The following HHLA1 variants were observed in gnomAD, a reference collection of about 807,000 sequenced individuals.
The protein encoded by HHLA1 is HHLA1 neighbor of OC90.
Under a neutral mutation model 69.9 loss-of-function variants are expected in HHLA1, and 72 were observed. The ratio of observed to expected loss-of-function variants is 1.03; its 90% CI spans 0.85 to 1.25. HHLA1 has a LOEUF of 1.25. HHLA1 is among the 50% of genes most tolerant of loss of function. The pLI, the probability that HHLA1 is intolerant of heterozygous loss-of-function variation, is 0.00. For synonymous variants in HHLA1, 252 were observed against 233.2 expected, an observed-to-expected ratio of 1.08 and a Z score of -0.73; for missense variants, 685 against 642.2, an observed-to-expected ratio of 1.07 and a Z score of -0.72.
intron 15 of HHLA1, among the ~76,000 whole-genome samples, chr8:132,066,172 C>G (rs772835570): frequency 3.3e-5 from 5 of 152,130 alleles, no homozygotes; most frequent in Non-Finnish European, 5.9e-5. Flanking sequence ...TTGGGGCCAG[C>G]AAGACTTATT....
intron 15 of HHLA1, 94 bp from the exon 16 acceptor site, chr8:132,066,062 C>G: frequency 4.3e-6 from 2 of 468,930 alleles, no homozygotes; most frequent in South Asian, 3.5e-5. Context: ...TAAACATGAA[C>G]TATATGGCCA....
chr8:132,072,748 G>A (rs1197674601), intron 14 of HHLA1, among the ~76,000 whole-genome samples: 2 of 152,142 alleles, frequency 1.3e-5, no homozygotes, highest in Admixed American at 6.5e-5. Flanking sequence ...ACCATTAATT[G>A]ACTTTCTATT....
chr8:132,100,407 T>C (rs1264500749), intron 3 of HHLA1, among the ~76,000 whole-genome samples: 1 of 152,080 alleles, frequency 6.6e-6, no homozygotes, highest in Non-Finnish European at 1.5e-5. Context: ...TTTAACCAAG[T>C]AGGAAAACTG....
intron 15 of HHLA1, among the ~76,000 whole-genome samples, chr8:132,068,251 C>T (rs140178140): frequency 4.6e-5 from 7 of 152,318 alleles, no homozygotes; most frequent in African/African-American, 1.7e-4. Context: ...CAAAAAGCTG[C>T]CATTCTGTGC....
chr8:132,107,592 G>A (rs59816126), intron 1 of HHLA1, among the ~76,000 whole-genome samples: 28,097 of 152,072 alleles, frequency 0.18, 2,635 homozygotes, highest in East Asian at 0.22. Context: ...GAGCCACCGC[G>A]CTTGGCCGAC....
chr8:132,093,017 G>C (rs1662619684), intron 7 of HHLA1, among the ~76,000 whole-genome samples: 1 of 152,118 alleles, frequency 6.6e-6, no homozygotes, highest in South Asian at 2.1e-4. Context: ...TTTAAACTAG[G>C]CTATTTTGGA....
chr8:132,096,871 G>C (rs766064119), intron 5 of HHLA1, among the ~76,000 whole-genome samples: 1 of 152,126 alleles, frequency 6.6e-6, no homozygotes, highest in Non-Finnish European at 1.5e-5. Flanking sequence ...ATGCAATCGT[G>C]CAGTCACAGC....
intron 10 of HHLA1, 91 bp from the exon 11 acceptor site, chr8:132,080,057 G>T: frequency 6.9e-7 from 1 of 1,453,336 alleles, no homozygotes; most frequent in Non-Finnish European, 9.5e-7. Flanking sequence ...ATATATGAAT[G>T]TGGAGATTCA....
chr8:132,089,160 T>G (rs770334821), intron 8 of HHLA1, among the ~76,000 whole-genome samples: 38 of 152,214 alleles, frequency 2.5e-4, no homozygotes, highest in Admixed American at 2.4e-3. Context: ...ACCTGAATTC[T>G]GGCACCAAAC....
In HHLA1 at chr8:132,062,464, A is replaced by G. The variant is rs3802262; in HGVS notation, c.*1531T>C. 0.065 allele frequency: 9,849 copies of G among 152,190 alleles called. 374 individuals are homozygous for G. The highest frequency in any genetic ancestry group is 0.086 in the African/African-American group (3,571 of 41,514). The allele number at this position is 152,190 out of a possible 1,614,324, so 9.4% of individuals were successfully genotyped here. ...CTACTTAGATGATGAACAGAAAGTG[A>G]CTTTCCTCACCCAAGGGCAGCCCTA... On this transcript the variant is annotated 3_prime_UTR_variant, in exon 17 of 17. Transcript: ENST00000414222.
chr8:132,081,057 G>C (rs1823745034), intron 10 of HHLA1: 1 of 152,196 alleles, frequency 6.6e-6, no homozygotes, highest in Non-Finnish European at 1.5e-5. Context: ...AGGAGATTCA[G>C]CATAGTCCTG....
At position 132,101,385 on chromosome 8, in the gene HHLA1, A is replaced by AT. The variant is rs1824107862; in HGVS notation, c.140-1252_140-1251insA. ...AACACTTTGAAGAATGGATAAACTG[A>AT]AATCCCCAAACTTGATTTGATGTAC... On this transcript the variant is annotated intron_variant, in intron 3 of 16. Coordinates refer to ENST00000414222, the MANE Select transcript of HHLA1 (RefSeq NM_001145095.3). 6 of 1,377,146 alleles carry AT rather than the reference A, an allele frequency of 4.4e-6. 1 individual carries two copies. In the South Asian group the frequency reaches 9.6e-5, roughly 22 times the overall value. 85.3% of individuals were successfully genotyped at this position (1,377,146 alleles called of 1,614,324 possible). A position where few individuals can be genotyped will look rare whatever the true frequency, so the allele number is the denominator to read the frequency against.
intron 15 of HHLA1, among the ~76,000 whole-genome samples, chr8:132,069,316 T>C (rs1019595221): frequency 1.3e-5 from 2 of 152,252 alleles, no homozygotes; most frequent in Non-Finnish European, 2.9e-5. Context: ...TCAGCTGCTT[T>C]GAAATTTGTC....
At chr8:132,095,662 C>T (rs756250677) in intron 6 of HHLA1, 41 bp downstream of exon 6, 1 of 1,532,170 alleles carries the variant, frequency 6.5e-7, no homozygotes, top group Non-Finnish European at 8.9e-7. Context: ...GCAACACATC[C>T]CTACCACCAC....
In HHLA1 at chr8:132,068,690, C is replaced by T. The variant is rs117032192; in HGVS notation, c.1469+2650G>A. ...TATGTCTATCTAAATTCCTAGCAGACCAGAGCTGCTGCACGCACTGTGGAG... is the reference window on the plus strand; with the variant it reads ...TATGTCTATCTAAATTCCTAGCAGATCAGAGCTGCTGCACGCACTGTGGAG... On this transcript the variant is annotated intron_variant, in intron 15 of 16. Coordinates refer to ENST00000414222, the MANE Select transcript of HHLA1 (RefSeq NM_001145095.3). Among the ~76,000 whole-genome samples, 732 of 152,312 alleles carry T rather than the reference C, an allele frequency of 4.8e-3. 3 individuals are homozygous for T. Among genetic ancestry groups the T allele is most frequent in the East Asian group, 0.03 (154 of 5,176 alleles).
intron 3 of HHLA1, among the ~76,000 whole-genome samples, chr8:132,103,662 A>G (rs1824154040): frequency 1.3e-5 from 2 of 152,124 alleles, no homozygotes; most frequent in East Asian, 1.9e-4. Flanking sequence ...AAGTAACACA[A>G]TTTCCATCAA....
chr8:132,099,621 A>G (rs1824082075), intron 4 of HHLA1, among the ~76,000 whole-genome samples: 1 of 152,180 alleles, frequency 6.6e-6, no homozygotes, highest in South Asian at 2.1e-4. Context: ...TGGGAGGCTG[A>G]GGTGGGTGGA....
At chr8:132,106,213 A>G (rs1169815476) in intron 1 of HHLA1, among the ~76,000 whole-genome samples, 2 of 152,204 alleles carry the variant, frequency 1.3e-5, no homozygotes, top group Non-Finnish European at 2.9e-5. Context: ...ATTGGGCGGG[A>G]AGAAAAGTCA....
At chr8:132,072,919 A>T (rs1428869742) in intron 14 of HHLA1, among the ~76,000 whole-genome samples, 2 of 151,644 alleles carry the variant, frequency 1.3e-5, no homozygotes, top group African/African-American at 2.4e-5. Flanking sequence ...AAAAAAAAAG[A>T]GTTTATTGCT....
Sources: allele counts gnomAD v4.1 joint callset (sites outside exome capture counted in the v4.1 genomes callset), GRCh38; gene constraint gnomAD v4.1.1; transcripts MANE v1.5; gene names NCBI Gene and HGNC (gene_info 2026-07-23, HGNC 2026-07-21).